The following RB1CC1 variants were observed in gnomAD, a reference collection of about 807,000 sequenced individuals.
The protein encoded by RB1CC1 is RB1-inducible coiled-coil protein 1.
Under a neutral mutation model 177.5 loss-of-function variants are expected in RB1CC1, and 46 were observed. The ratio of observed to expected loss-of-function variants is 0.26; its 90% confidence interval spans 0.20 to 0.33. RB1CC1 has a LOEUF of 0.33. Ranked by LOEUF, RB1CC1 falls within the 10% of genes least tolerant of loss-of-function variation. RB1CC1 has a pLI of 1.00. For missense variants in RB1CC1, 1,703 were observed against 1,816.3 expected (o/e 0.94, Z 1.13); for synonymous variants, 666 against 613.6 (o/e 1.09, Z -1.26).
intron 18 of RB1CC1, among the ~76,000 whole-genome samples, chr8:52,638,929 C>G (rs1322784326): frequency 3.3e-5 from 5 of 152,088 alleles, no homozygotes; most frequent in Admixed American, 3.3e-4. Flanking sequence ...AATCTATTTG[C>G]CTGTGGCTAT....
At chr8:52,709,436 T>C (rs1300107015) in intron 1 of RB1CC1, among the ~76,000 whole-genome samples, 2 of 152,064 alleles carry the variant, frequency 1.3e-5, no homozygotes, top group Non-Finnish European at 2.9e-5. Flanking sequence ...ACTATTCTAA[T>C]ACAGTCAAAA....
chr8:52,677,067 C>T (rs963742971), intron 5 of RB1CC1, among the ~76,000 whole-genome samples: 1 of 152,064 alleles, frequency 6.6e-6, no homozygotes, highest in African/African-American at 2.4e-5. Context: ...CATTCAGTTC[C>T]AAACAATGAA....
In RB1CC1 at chr8:52,641,853, G is replaced by T. The variant is rs532663600; in HGVS notation, c.4337+498C>A. Among the ~76,000 whole-genome samples, 5 of 152,166 alleles carry T rather than the reference G, an allele frequency of 3.3e-5. No individual in the cohort carries two copies. The South Asian group carries it at 1.0e-3, about 32-fold the overall frequency. ...TATAATTGTAAGCACAATTTTAGTG[G>T]TCTTTCACTATATTCAAAGGAGAAC... On this transcript the variant is annotated intron_variant, in intron 18 of 23. Coordinates refer to ENST00000025008, the MANE Select transcript of RB1CC1 (RefSeq NM_014781.5).
intron 7 of RB1CC1, among the ~76,000 whole-genome samples, chr8:52,668,606 T>C (rs1163160553): frequency 6.6e-6 from 1 of 152,192 alleles, no homozygotes; most frequent in East Asian, 1.9e-4. Context: ...TTATTCTCTA[T>C]TTCTATCTCC....
At chr8:52,636,724 T>C (rs938270840) in intron 18 of RB1CC1, among the ~76,000 whole-genome samples, 3 of 152,232 alleles carry the variant, frequency 2.0e-5, no homozygotes, top group African/African-American at 7.2e-5. Flanking sequence ...TTTTAGCTTT[T>C]ACACTTAAGT....
Position 52,623,671 on chromosome 8 carries a change from T to C in RB1CC1, c.*111A>G, listed in dbSNP as rs1465356456. The C allele has an allele frequency of 2.7e-6, 2 of 752,792 alleles. No individual in the cohort carries two copies. Among genetic ancestry groups the C allele is most frequent in the Non-Finnish European group, 2.4e-6 (1 of 420,708 alleles). The allele number at this position is 752,792 out of a possible 1,614,324, so 46.6% of individuals were successfully genotyped here. On this transcript the variant is annotated 3_prime_UTR_variant, in exon 24 of 24. Transcript: ENST00000025008. The stretch of plus-strand genomic sequence containing the variant: ...CGATGTACACCAGTGAAGTATATTG[T>C]CACGCTGACTTTTGCATAAAAAGAT...
chr8:52,636,594 T>A (rs1295354474), intron 18 of RB1CC1, among the ~76,000 whole-genome samples: 1 of 152,204 alleles, frequency 6.6e-6, no homozygotes, highest in East Asian at 1.9e-4. Flanking sequence ...ATCCCCAAAT[T>A]ATATTTCAAG....
chr8:52,626,590 G>A (rs117710712), intron 22 of RB1CC1, among the ~76,000 whole-genome samples: 18 of 152,006 alleles, frequency 1.2e-4, no homozygotes, highest in East Asian at 3.9e-4. Flanking sequence ...TCTTTGCGAC[G>A]TTTTCTAAGT....
chr8:52,658,343 C>T (rs1851269660), intron 13 of RB1CC1, among the ~76,000 whole-genome samples: 1 of 151,996 alleles, frequency 6.6e-6, no homozygotes. Flanking sequence ...CTTTGGGAGG[C>T]CTAGGCGGGT....
At chr8:52,689,552 T>C (rs942013360) in intron 1 of RB1CC1, among the ~76,000 whole-genome samples, 1 of 152,228 alleles carries the variant, frequency 6.6e-6, no homozygotes, top group African/African-American at 2.4e-5. Context: ...GTATTCATTA[T>C]ATTCCAGGAA....
At position 52,656,517 on chromosome 8, in the gene RB1CC1, A is replaced by C. The variant is rs754156986; in HGVS notation, c.3312T>G (p.Ile1104Met). 1 of 1,611,350 alleles carries C rather than the reference A, an allele frequency of 6.2e-7. No homozygotes were observed. The highest frequency in any genetic ancestry group is 8.5e-7 in the Non-Finnish European group (1 of 1,179,598). ...EQETENLRTEISKLNQKIQDN... is the reference protein window; with the variant it reads ...EQETENLRTEMSKLNQKIQDN... ...CCTGAATCTTTTGGTTGAGTTTACT[A>C]ATTTCTGTTCTCAAATTTTCTGTCT... is the stretch of plus-strand genomic sequence containing the variant. The change falls in exon 15 of 24, where the codon ATT becomes ATG. Residue 1104 changes from isoleucine (I) to methionine (M), a missense_variant. Around this residue, in one of 6 missense-constraint regions of RB1CC1, gnomAD observed 1,169 missense variants for 1,184.7 expected, o/e 0.99. Transcript: ENST00000025008.
intron 15 of RB1CC1, among the ~76,000 whole-genome samples, chr8:52,648,702 G>A (rs187299436): frequency 1.2e-4 from 19 of 152,204 alleles, no homozygotes; most frequent in African/African-American, 4.1e-4. Flanking sequence ...TGCAGTTTGA[G>A]GTGTGATGGC....
At chr8:52,660,297 G>A (rs1020830778) in intron 12 of RB1CC1, among the ~76,000 whole-genome samples, 33 of 151,112 alleles carry the variant, frequency 2.2e-4, no homozygotes, top group Non-Finnish European at 4.4e-5. Flanking sequence ...AGGGAAGGGT[G>A]GAAAGAAAAA....
rs114479616 is a variant in RB1CC1 at position 52,655,907 on chromosome 8, C to G, written c.3821+101G>C. The G allele has an allele frequency of 3.8e-3, 3,555 of 943,752 alleles. 67 individuals are homozygous for G. The African/African-American group carries it at 0.049, about 13-fold the overall frequency. The allele number at this position is 943,752 out of a possible 1,614,324, so 58.5% of individuals were successfully genotyped here. ...CTTCATGAAAATACCCTAGTTGCTA[C>G]ATTTACCCAAGGTAAATGAGTAAAT... On this transcript the variant is annotated intron_variant, in intron 15 of 23. Transcript: ENST00000025008.
chr8:52,684,347 C>G (rs1854047355), intron 3 of RB1CC1, among the ~76,000 whole-genome samples: 1 of 152,084 alleles, frequency 6.6e-6, no homozygotes, highest in African/African-American at 2.4e-5. Flanking sequence ...TCCCTATCTT[C>G]CAAAAAATCA....
chr8:52,679,962 A>G (rs112947581), intron 5 of RB1CC1, among the ~76,000 whole-genome samples: 2,506 of 152,274 alleles, frequency 0.016, 68 homozygotes, highest in African/African-American at 0.056. Flanking sequence ...TCCCTCTCTT[A>G]CACATATAGA....
intron 15 of RB1CC1, among the ~76,000 whole-genome samples, chr8:52,648,175 A>G (rs1444545710): frequency 6.6e-6 from 1 of 152,120 alleles, no homozygotes; most frequent in Non-Finnish European, 1.5e-5. Context: ...ACACTAGATG[A>G]TTAGCATAGG....
intron 15 of RB1CC1, among the ~76,000 whole-genome samples, chr8:52,652,459 CAAAAAAAAAA>C (rs35615959): frequency 1.1e-5 from 1 of 92,688 alleles, no homozygotes; most frequent in Non-Finnish European, 2.3e-5. Flanking sequence ...GACTCTGTCT[CAAAAAAAAAA>C]AAAAAAAAAA....
At chr8:52,653,696 T>C (rs1226467571) in intron 15 of RB1CC1, among the ~76,000 whole-genome samples, 2 of 152,160 alleles carry the variant, frequency 1.3e-5, no homozygotes, top group Non-Finnish European at 2.9e-5. Context: ...TCGGAAATGC[T>C]TGGCAGCAGA....
Sources: gnomAD v4.1 joint callset for allele counts (sites outside exome capture counted in the v4.1 genomes callset) on GRCh38, gnomAD v4.1.1 for gene constraint, gnomAD v4.1.1 regional missense constraint, MANE v1.5 for transcripts, NCBI Gene and HGNC (gene_info 2026-07-23, HGNC 2026-07-21) for gene names.